The following RPH3A variants were observed in gnomAD, a reference collection of about 807,000 sequenced individuals.
RPH3A encodes the protein rabphilin 3A, also known as rabphilin-3A.
A neutral mutation model predicts 102.2 loss-of-function variants in RPH3A; 48 were observed. The observed-to-expected ratio is 0.47, with a 90% confidence interval of 0.37 to 0.60. The LOEUF (loss-of-function observed/expected upper bound fraction) is 0.60. Ranked by LOEUF, RPH3A falls within the 20% of genes least tolerant of loss-of-function variation. The pLI, the probability that RPH3A is intolerant of heterozygous loss-of-function variation, is 0.00. For missense variants in RPH3A, 781 were observed against 910.1 expected (o/e 0.86, Z 1.83); for synonymous variants, 310 against 324.3 (o/e 0.96, Z 0.47).
At chr12:112,713,498 C>A (rs2040494730) in intron 1 of RPH3A, among the ~76,000 whole-genome samples, 1 of 151,952 alleles carries the variant, frequency 6.6e-6, no homozygotes, top group South Asian at 2.1e-4. Context: ...GACCATCAAG[C>A]CAAGCTTGGT....
chr12:112,881,519 CTG>C (rs767499739), intron 14 of RPH3A, among the ~76,000 whole-genome samples: 2 of 152,196 alleles, frequency 1.3e-5, no homozygotes, highest in Non-Finnish European at 2.9e-5. Context: ...GGTGGGGAAA[CTG>C]AGGCTCAGAT....
At chr12:112,629,837 G>A (rs777281111) in intron 1 of RPH3A, among the ~76,000 whole-genome samples, 1 of 152,142 alleles carries the variant, frequency 6.6e-6, no homozygotes, top group African/African-American at 2.4e-5. Context: ...ACTAGGCACA[G>A]TGCTAACATC....
At chr12:112,714,377 T>TGCATA (rs1251377577) in intron 1 of RPH3A, among the ~76,000 whole-genome samples, 1 of 152,100 alleles carries the variant, frequency 6.6e-6, no homozygotes, top group African/African-American at 2.4e-5. Context: ...TGTGAAGGAC[T>TGCATA]CAGGGTGCGT....
At chr12:112,826,767 G>A (rs913946904) in intron 2 of RPH3A, among the ~76,000 whole-genome samples, 12 of 152,170 alleles carry the variant, frequency 7.9e-5, no homozygotes, top group Admixed American at 2.6e-4. Flanking sequence ...CGCTGTATCA[G>A]AAGCTTGTCT....
intron 2 of RPH3A, among the ~76,000 whole-genome samples, chr12:112,811,038 A>T (rs2041566210): frequency 6.6e-6 from 1 of 152,120 alleles, no homozygotes; most frequent in Non-Finnish European, 1.5e-5. Flanking sequence ...CATGATAGTT[A>T]TGTTCTGCAA....
chr12:112,653,401 T>G (rs2039990132), intron 1 of RPH3A, among the ~76,000 whole-genome samples: 1 of 150,734 alleles, frequency 6.6e-6, no homozygotes, highest in South Asian at 2.1e-4. Context: ...TAAATTTAAT[T>G]GTACACCTGT....
At chr12:112,604,175 G>A (rs1162226262) in intron 1 of RPH3A, among the ~76,000 whole-genome samples, 3 of 152,174 alleles carry the variant, frequency 2.0e-5, no homozygotes, top group Admixed American at 6.5e-5. Context: ...GCTGATACCT[G>A]AAGCCTAGAT....
intron 2 of RPH3A, among the ~76,000 whole-genome samples, chr12:112,825,666 A>G (rs1185239989): frequency 6.6e-6 from 1 of 152,170 alleles, no homozygotes; most frequent in Non-Finnish European, 1.5e-5. Flanking sequence ...AATTTTCATT[A>G]CGTACCTTCT....
chr12:112,846,084 G>T (rs1272628420), intron 4 of RPH3A, among the ~76,000 whole-genome samples: 1 of 152,178 alleles, frequency 6.6e-6, no homozygotes, highest in Admixed American at 6.5e-5. Flanking sequence ...GGACAGAGGG[G>T]CAGGTAAAGG....
chr12:112,807,179 C>T (rs1050191486), intron 2 of RPH3A, among the ~76,000 whole-genome samples: 2 of 151,916 alleles, frequency 1.3e-5, no homozygotes, highest in African/African-American at 4.8e-5. Flanking sequence ...AGAAGGGTGA[C>T]CTGATGTGAT....
intron 1 of RPH3A, among the ~76,000 whole-genome samples, chr12:112,764,217 C>T (rs2040872932): frequency 6.6e-6 from 1 of 152,228 alleles, no homozygotes; most frequent in South Asian, 2.1e-4. Flanking sequence ...AGACCCAGCC[C>T]CTCAATGAGG....
At chr12:112,875,390 G>A (rs1436178468) in intron 11 of RPH3A, among the ~76,000 whole-genome samples, 1 of 152,150 alleles carries the variant, frequency 6.6e-6, no homozygotes, top group Non-Finnish European at 1.5e-5. Flanking sequence ...CCCACCCAGT[G>A]CAGAAAGTGA....
intron 12 of RPH3A, 96 bp downstream of exon 12, chr12:112,875,837 G>C: frequency 1.9e-6 from 2 of 1,056,714 alleles, no homozygotes; most frequent in Non-Finnish European, 2.9e-6. Flanking sequence ...GACTCAGCCT[G>C]CACCCTGAGA....
intron 1 of RPH3A, among the ~76,000 whole-genome samples, chr12:112,599,749 C>T (rs233718): frequency 6.6e-6 from 1 of 152,006 alleles, no homozygotes; most frequent in Non-Finnish European, 1.5e-5. Context: ...ATCCCACCAC[C>T]CTTCCCATCT....
rs372487647 is a variant in RPH3A, at chr12:112,671,614, A to G, written c.-140+96295A>G. 4.6e-5 allele frequency among the ~76,000 whole-genome samples: 7 copies of G among 152,192 alleles called. No homozygotes were observed. The East Asian group carries it at 1.2e-3, about 25-fold the overall frequency. On this transcript the variant is annotated intron_variant, in intron 1 of 21. Coordinates refer to the RPH3A transcript ENST00000543106. ...AATTTATTACTAAAGGAAGAAGGGA[A>G]GAATGGATATTGAGGGACAAGGCCT...
chr12:112,860,640 C>T (rs2042493229), intron 5 of RPH3A, among the ~76,000 whole-genome samples: 1 of 152,220 alleles, frequency 6.6e-6, no homozygotes, highest in Admixed American at 6.5e-5. Flanking sequence ...TCCTGAGCTG[C>T]TTTGGCAAAG....
intron 1 of RPH3A, among the ~76,000 whole-genome samples, chr12:112,597,658 G>A (rs1245111499): frequency 6.6e-6 from 1 of 152,214 alleles, no homozygotes; most frequent in Non-Finnish European, 1.5e-5. Context: ...GAGTATGTAT[G>A]TGATTGATGA....
intron 2 of RPH3A, among the ~76,000 whole-genome samples, chr12:112,827,787 T>C (rs2041904103): frequency 6.6e-6 from 1 of 151,668 alleles, no homozygotes; most frequent in Admixed American, 6.6e-5. Flanking sequence ...TTAGAAGGAA[T>C]ACCTAATGTA....
At chr12:112,724,215 C>A (rs1565861123) in intron 1 of RPH3A, among the ~76,000 whole-genome samples, 1 of 151,856 alleles carries the variant, frequency 6.6e-6, no homozygotes, top group Non-Finnish European at 1.5e-5. Context: ...TGACACCATG[C>A]CTGGCTAATT....
Sources: allele counts gnomAD v4.1 joint callset (sites outside exome capture counted in the v4.1 genomes callset), GRCh38; gene constraint gnomAD v4.1.1; transcripts MANE v1.5; gene names NCBI Gene and HGNC (gene_info 2026-07-23, HGNC 2026-07-21).